Variants in ESPN observed in about 807,000 individuals in gnomAD.
ESPN encodes espin, also known as autosomal recessive deafness type 36 protein.
Under a neutral mutation model 77.7 loss-of-function variants are expected in ESPN, and 68 were observed. That is an observed-to-expected ratio of 0.87 (90% confidence interval 0.72 to 1.07). The LOEUF is 1.07. ESPN is among the 50% of genes least tolerant of loss of function. ESPN has a pLI of 0.00. For missense variants in ESPN, 1,060 were observed against 1,239.0 expected, an observed-to-expected ratio of 0.86 and a Z score of 2.17; for synonymous variants, 449 against 567.1, an observed-to-expected ratio of 0.79 and a Z score of 2.96.
Position 6,444,512 on chromosome 1 carries a change from C to T in ESPN, c.1022C>T (p.Pro341Leu). The T allele has an allele frequency of 1.2e-6, 2 of 1,614,222 alleles. No individual in the cohort carries two copies. The highest frequency in any genetic ancestry group is 2.2e-5 in the East Asian group (1 of 44,880). The part of the protein sequence containing the change: ...SVEHRVLSRD[P>L]SAELEAKQPD... ...GAGCACCGCGTGCTTTCCCGGGATC[C>T]ATCCGCAGAGCTGGAGGCTAAGCAG... The change falls in exon 6 of 13, where the codon CCA becomes CTA. Residue 341 changes from proline (P) to leucine (L), a missense_variant. Physicochemically the swap from Pro to Leu is moderately conservative, Grantham distance 98. Coordinates refer to ENST00000645284, the MANE Select transcript of ESPN (RefSeq NM_031475.3).
At position 6,454,232 on chromosome 1, in the gene ESPN, G is replaced by A. The variant is rs374325190; in HGVS notation, c.2325+2136G>A. ...CACGCCACCGACCAAAGTGGACACT[G>A]CCCAGAGCCTGGAGCGGCGGCTCAG... On this transcript the variant is annotated intron_variant, in intron 10 of 12. Coordinates refer to ENST00000645284, the MANE Select transcript of ESPN (RefSeq NM_031475.3). Among the ~76,000 whole-genome samples the A allele has an allele frequency of 2.6e-5, 4 of 152,348 alleles. No individual in the cohort carries two copies. In the East Asian group the frequency reaches 7.7e-4, roughly 29 times the overall value.
At chr1:6,426,475 G>A (rs1013236577) in intron 1 of ESPN, among the ~76,000 whole-genome samples, 1 of 144,366 alleles carries the variant, frequency 6.9e-6, no homozygotes, top group African/African-American at 2.5e-5. Flanking sequence ...TGGGTGTGGG[G>A]GGAGAAAGTG....
At position 6,437,327 on chromosome 1, in the gene ESPN, GC is replaced by G. The variant is rs33988115; in HGVS notation, c.489-2920del. 0.27 allele frequency: 40,565 copies of G among 151,988 alleles called. 6,696 individuals are homozygous for G. Among genetic ancestry groups the G allele is most frequent in the African/African-American group, 0.47 (19,416 of 41,428 alleles). 9.4% of individuals were successfully genotyped at this position (151,988 alleles called of 1,614,324 possible). A position where few individuals can be genotyped will look rare whatever the true frequency, so the allele number is the denominator to read the frequency against. On this transcript the variant is annotated intron_variant, in intron 2 of 12. Coordinates refer to ENST00000645284, the MANE Select transcript of ESPN (RefSeq NM_031475.3). This position sits in a 1 kb window ranked among gnomAD's most constrained non-coding sequence, Gnocchi z 4.5. ...GAGAGCAGAGCTCACCGCAGGTCTG[GC>G]CCCCCCACCAGCTGTGCAGACCGCC... is the stretch of plus-strand genomic sequence containing the variant.
intron 10 of ESPN, among the ~76,000 whole-genome samples, chr1:6,453,925 C>T (rs1226424412): frequency 6.6e-6 from 1 of 152,166 alleles, no homozygotes; most frequent in East Asian, 1.9e-4. Flanking sequence ...CAGCTGCAGC[C>T]TCTTTAAGAG....
intron 6 of ESPN, among the ~76,000 whole-genome samples, chr1:6,445,357 C>T (rs1409762412): frequency 1.3e-5 from 2 of 152,240 alleles, no homozygotes; most frequent in Non-Finnish European, 2.9e-5. Flanking sequence ...TGGATGTGGC[C>T]ATCCGTACTC....
chr1:6,440,606 T>TACCCCCCCCCCCCCC lies in ESPN; in HGVS notation c.676-20_676-19insACCCCCCCCCCCCCC. ...CTGGCGCCCAGCCCCCGCCCCCCTC[T>TACCCCCCCCCCCCCC]CCCCGCCCGTCCCGCCCAGGTGAGC... On this transcript the variant is annotated intron_variant, in intron 3 of 12. Transcript: ENST00000645284. 2 of 870,486 alleles carry TACCCCCCCCCCCCCC rather than the reference T, an allele frequency of 2.3e-6. No homozygotes were observed. The highest frequency in any genetic ancestry group is 1.7e-6 in the Non-Finnish European group (1 of 588,350). 53.9% of individuals were successfully genotyped at this position (870,486 alleles called of 1,614,324 possible). A position where few individuals can be genotyped will look rare whatever the true frequency, so the allele number is the denominator to read the frequency against.
chr1:6,443,028 T>G, intron 5 of ESPN: 1 of 150,336 alleles, frequency 6.7e-6, no homozygotes, highest in Middle Eastern at 3.3e-3. Flanking sequence ...AAAAATTAGC[T>G]GAGTGTGGTG....
Position 6,440,957 on chromosome 1 carries a change from C to G in ESPN, c.882C>G (p.Asn294Lys). Residue 294 changes from asparagine (N) to lysine (K), a missense_variant, in exon 5 of 13, where the codon AAC becomes AAG. Asn to Lys is a moderately conservative substitution (Grantham distance 94). This residue lies in a region of ESPN where 556 missense variants were observed against 633.6 expected (regional missense o/e 0.88). Coordinates refer to ENST00000645284, the MANE Select transcript of ESPN (RefSeq NM_031475.3). Reference sequence around the variant, plus strand: ...AGTGCTGCCAGATCCTGGTAGTGAACGGCGCGGAGCTGGACGTCCGCGACC... The same window carrying G: ...AGTGCTGCCAGATCCTGGTAGTGAAGGGCGCGGAGCTGGACGTCCGCGACC... ...ELECCQILVV[N>K]GAELDVRDRD... 1.9e-6 allele frequency: 3 copies of G among 1,594,154 alleles called. No individual in the cohort carries two copies. Among genetic ancestry groups the G allele is most frequent in the Non-Finnish European group, 2.6e-6 (3 of 1,171,542 alleles).
chr1:6,446,536 G>A (rs1161426507), intron 7 of ESPN, among the ~76,000 whole-genome samples: 1 of 152,196 alleles, frequency 6.6e-6, no homozygotes, highest in Non-Finnish European at 1.5e-5. Context: ...CCTGTGTGGA[G>A]AGGATGAGGC....
chr1:6,452,657 G>C lies in ESPN; in HGVS notation c.2325+561G>C, dbSNP rs546861437. On this transcript the variant is annotated intron_variant, in intron 10 of 12. Coordinates refer to ENST00000645284, the MANE Select transcript of ESPN (RefSeq NM_031475.3). ...GGGCTGAGGCTCGCATTTCTAGCCAGCTCCTGGGTGAGGCTGCTGATGCTG... is the reference window on the plus strand; with the variant it reads ...GGGCTGAGGCTCGCATTTCTAGCCACCTCCTGGGTGAGGCTGCTGATGCTG... Among the ~76,000 whole-genome samples the C allele has an allele frequency of 2.6e-5, 4 of 152,332 alleles. No homozygotes were observed. In the South Asian group the frequency reaches 8.3e-4, roughly 32 times the overall value.
chr1:6,431,435 C>T lies in ESPN; in HGVS notation c.488+3016C>T, dbSNP rs368083302. Among the ~76,000 whole-genome samples, 18 of 151,912 alleles carry T rather than the reference C, an allele frequency of 1.2e-4. No individual in the cohort carries two copies. The East Asian group carries it at 2.9e-3, about 25-fold the overall frequency. ...ACCAGCCTGACCAACATGGTGAAAC[C>T]CCGTCTCTACCAAAAATACAAAAAT... On this transcript the variant is annotated intron_variant, in intron 2 of 12. Coordinates refer to ENST00000645284, the MANE Select transcript of ESPN (RefSeq NM_031475.3).
chr1:6,438,352 GGCT>G (rs1643508039), intron 2 of ESPN, among the ~76,000 whole-genome samples: 2 of 152,230 alleles, frequency 1.3e-5, no homozygotes, highest in Admixed American at 6.5e-5. Context: ...CTGTGCTCAG[GGCT>G]CTGCAAGCAC....
Position 6,460,269 on chromosome 1 carries a change from C to T in ESPN, c.*123C>T, listed in dbSNP as rs1421960090. 1.6e-6 allele frequency: 2 copies of T among 1,264,420 alleles called. No individual in the cohort carries two copies. 78.3% of individuals were successfully genotyped at this position (1,264,420 alleles called of 1,614,324 possible). A position where few individuals can be genotyped will look rare whatever the true frequency, so the allele number is the denominator to read the frequency against. On this transcript the variant is annotated 3_prime_UTR_variant, in exon 13 of 13. Coordinates refer to ENST00000645284, the MANE Select transcript of ESPN (RefSeq NM_031475.3). ...GCCCTCCCCTCCTGCGCTGGAAACC[C>T]TCCCTGACCCCCACCCTGGCCCCCC...
At chr1:6,455,538 G>T in intron 10 of ESPN, 1 of 398,444 alleles carries the variant, frequency 2.5e-6, no homozygotes, top group Non-Finnish European at 4.4e-6. Context: ...GCTGCGTCGC[G>T]TGCCGGCAAG....
chr1:6,451,967 G>A lies in ESPN; in HGVS notation c.2196G>A (p.Val732=). Residue 732 remains valine (V), a synonymous_variant, in exon 10 of 13, where the codon GTG becomes GTA. Transcript: ENST00000645284. This position sits in a 1 kb window ranked among gnomAD's most constrained non-coding sequence, Gnocchi z 4.3. ...CGCCCACTACTCCTGCGCCGGGAGTGCAGCTGGACGTGGAGGCTCTCATCC... is the reference window on the plus strand; with the variant it reads ...CGCCCACTACTCCTGCGCCGGGAGTACAGCTGGACGTGGAGGCTCTCATCC... ...PVPPTTPAPG[V]QLDVEALIPT... 6.2e-6 allele frequency: 10 copies of A among 1,610,334 alleles called. No individual in the cohort carries two copies. The highest frequency in any genetic ancestry group is 8.5e-6 in the Non-Finnish European group (10 of 1,178,550).
At chr1:6,454,014 G>C (rs1186714181) in intron 10 of ESPN, among the ~76,000 whole-genome samples, 2 of 152,226 alleles carry the variant, frequency 1.3e-5, no homozygotes, top group Non-Finnish European at 2.9e-5. Context: ...AGCTGGAGAA[G>C]GGGTCATGAG....
chr1:6,458,699 A>G (rs1193301625), intron 12 of ESPN, among the ~76,000 whole-genome samples: 44 of 138,576 alleles, frequency 3.2e-4, no homozygotes, highest in East Asian at 9.3e-4. Flanking sequence ...GGGAGGCTGA[A>G]GCGGGTGGAT....
In ESPN at chr1:6,450,330, C is replaced by T. The variant is rs1052674661; in HGVS notation, c.1915+1239C>T. 4.1e-4 allele frequency: 97 copies of T among 236,312 alleles called. No homozygotes were observed. The highest frequency in any genetic ancestry group is 3.2e-4 in the Non-Finnish European group (47 of 145,060). The allele number at this position is 236,312 out of a possible 1,614,324, so 14.6% of individuals were successfully genotyped here. ...GCAGAAAAGCTCCTCCTCTCTTCTC[C>T]ACTTCCCCCCCGCCCGCTCTCCCTG... On this transcript the variant is annotated intron_variant, in intron 8 of 12. Coordinates refer to ENST00000645284, the MANE Select transcript of ESPN (RefSeq NM_031475.3). The surrounding 1 kb of genome is among the most constrained non-coding windows in gnomAD (Gnocchi z 4.3).
intron 2 of ESPN, among the ~76,000 whole-genome samples, chr1:6,434,556 C>A (rs1643364441): frequency 6.6e-6 from 1 of 152,204 alleles, no homozygotes; most frequent in African/African-American, 2.4e-5. Flanking sequence ...CCAAGCCTGT[C>A]TGGCAAGTGG....
Sources: allele counts gnomAD v4.1 joint callset (sites outside exome capture counted in the v4.1 genomes callset), GRCh38; gene constraint gnomAD v4.1.1; regional missense constraint gnomAD v4.1.1; non-coding constraint Gnocchi (gnomAD v3.1); transcripts MANE v1.5; gene names NCBI Gene and HGNC (gene_info 2026-07-23, HGNC 2026-07-21).